Variants in IL20RA observed in about 807,000 individuals in gnomAD.
IL20RA encodes interleukin-20 receptor subunit alpha.
Under a neutral mutation model 36.5 loss-of-function variants are expected in IL20RA, and 29 were observed. The ratio of observed to expected loss-of-function variants is 0.79; its 90% CI spans 0.59 to 1.08. IL20RA has a LOEUF of 1.08. Among genes scored for constraint, IL20RA ranks in the 50% least tolerant of loss-of-function variants. IL20RA has a pLI of 0.00. For synonymous variants in IL20RA, 279 were observed against 267.1 expected, an observed-to-expected ratio of 1.04 and a Z score of -0.43; for missense variants, 652 against 668.4, an observed-to-expected ratio of 0.98 and a Z score of 0.27.
At chr6:137,038,278 C>G (rs561484031) in intron 1 of IL20RA, 3 of 117,328 alleles carry the variant, frequency 2.6e-5, no homozygotes, top group Non-Finnish European at 4.8e-5. Context: ...TGCAGTGGTG[C>G]GATCATAGCT....
At position 137,016,991 on chromosome 6, in the gene IL20RA, A is replaced by C; in HGVS notation, c.201T>G (p.Val67=). 1.2e-6 allele frequency: 2 copies of C among 1,613,784 alleles called. No homozygotes were observed. Among genetic ancestry groups the C allele is most frequent in the Non-Finnish European group, 1.7e-6 (2 of 1,179,664 alleles). Residue 67 remains valine, a synonymous_variant, in exon 2 of 7, where the codon GTT becomes GTG. Transcript: ENST00000316649. ...ACATGAAATACTGCACAGTGTAAGTAACTTTAACTCCTTGAAGACCCTCTG... is the reference window on the plus strand; with the variant it reads ...ACATGAAATACTGCACAGTGTAAGTCACTTTAACTCCTTGAAGACCCTCTG... ...TPPEGLQGVK[V]TYTVQYFIYG...
chr6:137,022,818 T>C (rs1221861475), intron 1 of IL20RA, among the ~76,000 whole-genome samples: 1 of 152,028 alleles, frequency 6.6e-6, no homozygotes, highest in Non-Finnish European at 1.5e-5. Flanking sequence ...GAGAATGCCA[T>C]GTGAAGACGA....
chr6:137,037,257 C>T (rs913475407), intron 1 of IL20RA, among the ~76,000 whole-genome samples: 4 of 152,120 alleles, frequency 2.6e-5, no homozygotes, highest in Non-Finnish European at 5.9e-5. Context: ...TTGAAGTATC[C>T]ATTTTGGTGG....
chr6:137,008,589 T>A lies in IL20RA; in HGVS notation c.724+10A>T, dbSNP rs369221795. The A allele has an allele frequency of 2.5e-6, 4 of 1,580,804 alleles. No homozygotes were observed. Among genetic ancestry groups the A allele is most frequent in the East Asian group, 2.3e-5 (1 of 43,514 alleles). ...CCTTCCTAGACCAGCAAAGATTTTT[T>A]AAAGCTTACCTTTCAAAGTCCTGGC... On this transcript the variant is annotated intron_variant, in intron 5 of 6. Transcript: ENST00000316649.
intron 1 of IL20RA, among the ~76,000 whole-genome samples, chr6:137,031,010 C>T (rs766993456): frequency 6.6e-6 from 1 of 152,154 alleles, no homozygotes; most frequent in East Asian, 1.9e-4. Flanking sequence ...AGTTACTATT[C>T]ATTGTAAATA....
Position 137,001,772 on chromosome 6 carries a change from T to C in IL20RA, c.1448A>G (p.Asp483Gly). 6.2e-7 allele frequency: 1 copy of C among 1,612,322 alleles called. No homozygotes were observed. ...EEPSTTLVDW[D>G]PQTGRLCIPS... ...AATACACAGCCTGCCAGTTTGGGGA[T>C]CCCAGTCGACCAGGGTCGTCGATGG... The change falls in exon 7 of 7, where the codon GAT becomes GGT. Residue 483 changes from aspartate (D) to glycine (G), a missense_variant. Coordinates refer to ENST00000316649, the MANE Select transcript of IL20RA (RefSeq NM_014432.4).
chr6:137,036,402 A>G (rs755262914), intron 1 of IL20RA, among the ~76,000 whole-genome samples: 11 of 152,142 alleles, frequency 7.2e-5, no homozygotes, highest in Non-Finnish European at 1.3e-4. Context: ...ATTCAGAAAT[A>G]AGGTCTTTAA....
chr6:137,043,718 T>G (rs760337693), intron 1 of IL20RA, among the ~76,000 whole-genome samples: 4 of 152,228 alleles, frequency 2.6e-5, no homozygotes, highest in Non-Finnish European at 5.9e-5. Flanking sequence ...CAGTTCTGGG[T>G]TAAAAGACAG....
rs1562226273 is a variant in IL20RA, at chr6:137,001,708, G to A, written c.1512C>T (p.Cys504=). 6.2e-7 allele frequency: 1 copy of A among 1,613,962 alleles called. No individual in the cohort carries two copies. The highest frequency in any genetic ancestry group is 8.5e-7 in the Non-Finnish European group (1 of 1,179,914). The change falls in exon 7 of 7, where the codon TGC becomes TGT. Residue 504 remains cysteine, a synonymous_variant. Transcript: ENST00000316649. ...LSSFDQDSEG[C]EPSEGDGLGE... is the part of the protein sequence containing the mutation. The stretch of plus-strand genomic sequence containing the variant: ...CGAGCCCATCCCCCTCAGAAGGCTC[G>A]CAGCCCTCTGAATCCTGGTCGAAGC...
In IL20RA at chr6:137,002,015, T is replaced by G. The variant is rs144760979; in HGVS notation, c.1205A>C (p.Glu402Ala). Residue 402 changes from glutamate (E) to alanine (A), a missense_variant, in exon 7 of 7, where the codon GAA (glutamate) becomes GCA (alanine). By Grantham distance (107) the Glu-to-Ala change is moderately radical. Transcript: ENST00000316649. Reference sequence around the variant, plus strand: ...AATGTCAGTGGTTCTGACATCATATTCATATTCAATGACTGTTTTATCCGG... The same window carrying G: ...AATGTCAGTGGTTCTGACATCATATGCATATTCAATGACTGTTTTATCCGG... ...IPPDKTVIEY[E>A]YDVRTTDICA... The G allele has an allele frequency of 3.7e-6, 6 of 1,614,098 alleles. No individual in the cohort carries two copies. Among genetic ancestry groups the G allele is most frequent in the Non-Finnish European group, 5.1e-6 (6 of 1,180,036 alleles).
chr6:137,012,971 AT>A (rs527639709), intron 2 of IL20RA, among the ~76,000 whole-genome samples: 3,239 of 149,120 alleles, frequency 0.022, 44 homozygotes, highest in South Asian at 0.044. Flanking sequence ...AGGGCTTTCA[AT>A]TTTTTTTTTT....
In IL20RA at chr6:137,004,764, T is replaced by TA. The variant is rs5880323; in HGVS notation, c.725-5dup. 12,589 of 1,440,494 alleles carry TA rather than the reference T, an allele frequency of 8.7e-3. 500 individuals carry two copies. The African/African-American group carries it at 0.16, about 18-fold the overall frequency. The allele number at this position is 1,440,494 out of a possible 1,614,324, so 89.2% of individuals were successfully genotyped here. A position where few individuals can be genotyped will look rare whatever the true frequency, so the allele number is the denominator to read the frequency against. ...GCCTTGAACTCTGATGATTGATCTG[T>TA]AAAAAAAAAAAAAAAGGTGGGAATT... is the stretch of plus-strand genomic sequence containing the variant. On this transcript the variant is annotated splice_polypyrimidine_tract_variant and splice_region_variant and intron_variant, in intron 5 of 6. Transcript: ENST00000316649.
intron 1 of IL20RA, among the ~76,000 whole-genome samples, chr6:137,033,047 A>G (rs192821709): frequency 2.0e-5 from 3 of 152,356 alleles, no homozygotes; most frequent in Admixed American, 2.0e-4. Context: ...CTGCCAAAAC[A>G]AAGTACCACA....
At chr6:137,043,920 A>T (rs940496206) in intron 1 of IL20RA, among the ~76,000 whole-genome samples, 2 of 152,338 alleles carry the variant, frequency 1.3e-5, no homozygotes, top group Admixed American at 1.3e-4. Context: ...CTGGATTCCA[A>T]TTGGTAGAGA....
chr6:137,039,045 G>A (rs1402047474), intron 1 of IL20RA, among the ~76,000 whole-genome samples: 1 of 152,198 alleles, frequency 6.6e-6, no homozygotes, highest in African/African-American at 2.4e-5. Context: ...CAGTTTATGA[G>A]TAAGTGAAAT....
At chr6:137,002,967 T>G (rs1358228063) in intron 6 of IL20RA, among the ~76,000 whole-genome samples, 15 of 152,114 alleles carry the variant, frequency 9.9e-5, no homozygotes, top group Admixed American at 9.8e-4. Context: ...ACAGAGAAAC[T>G]CTAAATCATG....
In IL20RA at chr6:137,035,864, C is replaced by T. The variant is rs3799486; in HGVS notation, c.88+8777G>A. On this transcript the variant is annotated intron_variant, in intron 1 of 6. Coordinates refer to ENST00000316649, the MANE Select transcript of IL20RA (RefSeq NM_014432.4). ...AGACATTCTGCAACATAGATGGGTT[C>T]GTTGGAAAGGGAGAGGGATGCTGGG... is the stretch of plus-strand genomic sequence containing the variant. 1.8e-3 allele frequency among the ~76,000 whole-genome samples: 268 copies of T among 152,174 alleles called. 2 individuals are homozygous for T. The South Asian group carries it at 0.037, about 21-fold the overall frequency.
chr6:137,033,385 C>T (rs1252414077), intron 1 of IL20RA, among the ~76,000 whole-genome samples: 2 of 152,148 alleles, frequency 1.3e-5, no homozygotes, highest in Admixed American at 6.5e-5. Context: ...TGTTGAAGTA[C>T]TAAAAATTCC....
intron 1 of IL20RA, among the ~76,000 whole-genome samples, chr6:137,030,067 C>A (rs6907431): frequency 2.7e-5 from 1 of 36,624 alleles, no homozygotes; most frequent in African/African-American, 5.8e-5. Context: ...CAGCGGTTTG[C>A]GGGTTTTTTT....
Sources: gnomAD v4.1 joint callset for allele counts (sites outside exome capture counted in the v4.1 genomes callset) on GRCh38, gnomAD v4.1.1 for gene constraint, MANE v1.5 for transcripts, NCBI Gene and HGNC (gene_info 2026-07-23, HGNC 2026-07-21) for gene names.